LRCH1: variants seen among roughly 807,000 people sequenced by gnomAD.
LRCH1 encodes leucine rich repeats and calponin homology domain containing 1, also known as leucine-rich repeat and calponin homology domain-containing protein 1.
A neutral mutation model predicts 94.9 loss-of-function variants in LRCH1; 23 were observed. The ratio of observed to expected loss-of-function variants is 0.24; its 90% CI spans 0.17 to 0.34. The LOEUF is 0.34. Among genes scored for constraint, LRCH1 ranks in the 10% least tolerant of loss-of-function variants. The pLI is 1.00. For missense variants in LRCH1, 790 were observed against 945.9 expected, an observed-to-expected ratio of 0.84 and a Z score of 2.16; for synonymous variants, 364 against 354.9, an observed-to-expected ratio of 1.03 and a Z score of -0.29.
At chr13:46,622,269 G>C (rs1206881127) in intron 1 of LRCH1, among the ~76,000 whole-genome samples, 1 of 151,340 alleles carries the variant, frequency 6.6e-6, no homozygotes, top group East Asian at 1.9e-4. Flanking sequence ...CCACCTGCCT[G>C]GTTAATAGAG....
At chr13:46,668,539 T>TC (rs2051551718) in intron 2 of LRCH1, among the ~76,000 whole-genome samples, 2 of 152,318 alleles carry the variant, frequency 1.3e-5, no homozygotes, top group South Asian at 4.1e-4. Flanking sequence ...AAAATTATCT[T>TC]CCCCATCCCT....
intron 15 of LRCH1, 49 bp downstream of exon 15, chr13:46,712,646 C>T: frequency 6.6e-7 from 1 of 1,509,368 alleles, no homozygotes; most frequent in Non-Finnish European, 9.2e-7. Context: ...TCATTGCTTT[C>T]TCTTGAGCCT....
At chr13:46,600,077 G>C (rs1311418322) in intron 1 of LRCH1, among the ~76,000 whole-genome samples, 2 of 152,196 alleles carry the variant, frequency 1.3e-5, no homozygotes, top group Admixed American at 1.3e-4. Context: ...GTAGAGACAG[G>C]GTTTCACCAT....
chr13:46,573,868 T>TATATATATATATA (rs1374087114), intron 1 of LRCH1, among the ~76,000 whole-genome samples: 1 of 40,466 alleles, frequency 2.5e-5, no homozygotes, highest in African/African-American at 8.7e-5. Context: ...ATATATATAT[T>TATATATATATATA]TTTTTTTTTT....
intron 3 of LRCH1, among the ~76,000 whole-genome samples, chr13:46,675,151 C>T (rs1201996270): frequency 6.6e-6 from 1 of 152,196 alleles, no homozygotes; most frequent in Admixed American, 6.5e-5. Flanking sequence ...GGTTCTTTTA[C>T]TGCTAAACCA....
intron 16 of LRCH1, among the ~76,000 whole-genome samples, chr13:46,722,381 T>C (rs1454699848): frequency 1.3e-5 from 2 of 152,144 alleles, no homozygotes; most frequent in East Asian, 3.9e-4. Context: ...AAAAATCAAG[T>C]TTAAGTCTGC....
intron 3 of LRCH1, among the ~76,000 whole-genome samples, chr13:46,681,278 G>T (rs1438305900): frequency 6.6e-6 from 1 of 152,240 alleles, no homozygotes; most frequent in African/African-American, 2.4e-5. Context: ...AAGATGCATT[G>T]TAGTCTTGTT....
intron 3 of LRCH1, among the ~76,000 whole-genome samples, chr13:46,674,138 C>T (rs1051199535): frequency 8.6e-5 from 13 of 151,918 alleles, no homozygotes; most frequent in African/African-American, 1.7e-4. Flanking sequence ...AGTCAGCAAT[C>T]CCTTAAAAAA....
intron 1 of LRCH1, among the ~76,000 whole-genome samples, chr13:46,585,957 C>T (rs1250537884): frequency 6.6e-6 from 1 of 152,048 alleles, no homozygotes; most frequent in Non-Finnish European, 1.5e-5. Flanking sequence ...TAGAGCTTTC[C>T]CTGTTTTGTA....
In LRCH1 at chr13:46,725,438, C is replaced by G. The variant is rs61948287; in HGVS notation, c.1869+2108C>G. ...TCATCAGCACATGTGTATTGACTGT[C>G]ACTCTCTACCAGGCTGTATTCTAGG... On this transcript the variant is annotated intron_variant, in intron 17 of 19. Transcript: ENST00000389797. 5.1e-3 allele frequency among the ~76,000 whole-genome samples: 770 copies of G among 152,296 alleles called. 2 individuals are homozygous for G. Among genetic ancestry groups the G allele is most frequent in the Non-Finnish European group, 8.3e-3 (566 of 68,006 alleles).
At chr13:46,671,128 C>T (rs1454001215) in intron 3 of LRCH1, among the ~76,000 whole-genome samples, 8 of 152,226 alleles carry the variant, frequency 5.3e-5, no homozygotes, top group Non-Finnish European at 1.0e-4. Context: ...TGTTCATTTT[C>T]ATTTCTGGAC....
intron 1 of LRCH1, among the ~76,000 whole-genome samples, chr13:46,628,849 T>C (rs1183508870): frequency 6.6e-6 from 1 of 152,118 alleles, no homozygotes; most frequent in Non-Finnish European, 1.5e-5. Flanking sequence ...ACTCCTGAGT[T>C]ATGGCGTCAT....
chr13:46,692,491 T>G (rs1458380303), intron 7 of LRCH1, 45 bp from the exon 8 acceptor site: 2 of 1,322,846 alleles, frequency 1.5e-6, no homozygotes, highest in Non-Finnish European at 2.2e-6. Flanking sequence ...TTATCTACAT[T>G]GATAACACTT....
At chr13:46,656,035 T>G (rs1383261877) in intron 2 of LRCH1, among the ~76,000 whole-genome samples, 1 of 152,210 alleles carries the variant, frequency 6.6e-6, no homozygotes, top group Non-Finnish European at 1.5e-5. Flanking sequence ...TTTGGCTGCT[T>G]TCTCTGCAGC....
intron 1 of LRCH1, among the ~76,000 whole-genome samples, chr13:46,641,955 G>A (rs1291933505): frequency 6.6e-6 from 1 of 152,224 alleles, no homozygotes; most frequent in East Asian, 1.9e-4. Context: ...TCCATTAAGA[G>A]GCGGACGTGG....
chr13:46,737,593 A>G (rs957017636), intron 19 of LRCH1, among the ~76,000 whole-genome samples: 7 of 152,192 alleles, frequency 4.6e-5, no homozygotes, highest in African/African-American at 1.7e-4. Flanking sequence ...CTCTAGTGCA[A>G]GCATCAACTT....
chr13:46,612,711 T>C (rs1424406675), intron 1 of LRCH1, among the ~76,000 whole-genome samples: 1 of 152,152 alleles, frequency 6.6e-6, no homozygotes. Context: ...CAAAACAAAA[T>C]TATGAAAAAA....
At chr13:46,652,053 ATG>A (rs1566201048) in intron 2 of LRCH1, among the ~76,000 whole-genome samples, 1 of 75,792 alleles carries the variant, frequency 1.3e-5, no homozygotes, top group Non-Finnish European at 2.5e-5. Flanking sequence ...AGGCCTGCTG[ATG>A]TTTTTTTTTT....
At chr13:46,600,180 C>T (rs1410767968) in intron 1 of LRCH1, among the ~76,000 whole-genome samples, 3 of 152,176 alleles carry the variant, frequency 2.0e-5, no homozygotes, top group African/African-American at 4.8e-5. Flanking sequence ...AGCCACCACA[C>T]CCGGCCAGGC....
Sources: allele counts gnomAD v4.1 joint callset (sites outside exome capture counted in the v4.1 genomes callset), GRCh38; gene constraint gnomAD v4.1.1; transcripts MANE v1.5; gene names NCBI Gene and HGNC (gene_info 2026-07-23, HGNC 2026-07-21).